Variants in ADCY2 observed in about 807,000 individuals in gnomAD.
ADCY2 encodes adenylate cyclase 2.
ADCY2 carries 31 observed loss-of-function variants against 125.2 expected under a neutral mutation model. The ratio of observed to expected loss-of-function variants is 0.25; its 90% CI spans 0.19 to 0.33. The LOEUF is 0.33. ADCY2 is among the 10% of genes least tolerant of loss of function. The pLI, the probability that ADCY2 is intolerant of heterozygous loss-of-function variation, is 1.00. For synonymous variants in ADCY2, 512 were observed against 548.4 expected (o/e 0.93, Z 0.93); for missense variants, 904 against 1,418.2 (o/e 0.64, Z 5.82).
intron 19 of ADCY2, among the ~76,000 whole-genome samples, chr5:7,786,865 T>C (rs1391535835): frequency 2.0e-5 from 3 of 152,218 alleles, no homozygotes; most frequent in African/African-American, 4.8e-5. Flanking sequence ...CTGGTTCTTC[T>C]GTCTACGTAG....
At chr5:7,668,910 G>A (rs191039038) in intron 4 of ADCY2, among the ~76,000 whole-genome samples, 3 of 152,276 alleles carry the variant, frequency 2.0e-5, no homozygotes, top group African/African-American at 2.4e-5. Flanking sequence ...CATAGCTCCA[G>A]TCTTTACTAA....
At chr5:7,488,852 T>G (rs1743043778) in intron 2 of ADCY2, among the ~76,000 whole-genome samples, 1 of 151,690 alleles carries the variant, frequency 6.6e-6, no homozygotes, top group Non-Finnish European at 1.5e-5. Context: ...CTGGGAGAGG[T>G]TAAGCTGCAG....
At chr5:7,611,254 GT>G (rs1462707477) in intron 3 of ADCY2, 9 of 152,256 alleles carry the variant, frequency 5.9e-5, no homozygotes, top group African/African-American at 1.9e-4. Flanking sequence ...TATATTAAAT[GT>G]TTCTCAAGTA....
At chr5:7,525,655 A>ATG (rs34875401) in intron 3 of ADCY2, among the ~76,000 whole-genome samples, 92 of 150,710 alleles carry the variant, frequency 6.1e-4, no homozygotes, top group African/African-American at 1.4e-3. Flanking sequence ...TACATTATAG[A>ATG]TGTGTGTGTG....
chr5:7,440,674 C>T (rs911067741), intron 2 of ADCY2, among the ~76,000 whole-genome samples: 1 of 152,154 alleles, frequency 6.6e-6, no homozygotes, highest in African/African-American at 2.4e-5. Context: ...TTAAAGATGC[C>T]AGTGATCCTT....
At chr5:7,401,431 T>G (rs190989402) in intron 1 of ADCY2, among the ~76,000 whole-genome samples, 6 of 152,320 alleles carry the variant, frequency 3.9e-5, no homozygotes, top group African/African-American at 1.2e-4. Context: ...AGGTCTAGAA[T>G]TCCCAGCGCT....
At chr5:7,787,574 A>G (rs1048972080) in intron 19 of ADCY2, among the ~76,000 whole-genome samples, 1 of 152,204 alleles carries the variant, frequency 6.6e-6, no homozygotes, top group African/African-American at 2.4e-5. Flanking sequence ...CAAGCTGCTA[A>G]TGTGCCAGCT....
At chr5:7,647,367 T>C (rs902893902) in intron 4 of ADCY2, among the ~76,000 whole-genome samples, 2 of 152,038 alleles carry the variant, frequency 1.3e-5, no homozygotes, top group African/African-American at 4.8e-5. Context: ...GCAATGATAA[T>C]ATCTGCCACA....
intron 24 of ADCY2, among the ~76,000 whole-genome samples, chr5:7,821,932 TC>T (rs1321096975): frequency 1.3e-5 from 2 of 152,030 alleles, no homozygotes; most frequent in Non-Finnish European, 2.9e-5. Flanking sequence ...GGTTTGAGGT[TC>T]CCCCGGTGAA....
intron 3 of ADCY2, among the ~76,000 whole-genome samples, chr5:7,563,304 G>A (rs1381902602): frequency 6.6e-6 from 1 of 152,154 alleles, no homozygotes; most frequent in East Asian, 1.9e-4. Context: ...TTCACAGCAG[G>A]TGAGTAAAAA....
intron 3 of ADCY2, among the ~76,000 whole-genome samples, chr5:7,565,037 T>C (rs964266846): frequency 6.6e-6 from 1 of 152,140 alleles, no homozygotes; most frequent in Non-Finnish European, 1.5e-5. Context: ...ACTTAACAAA[T>C]AGAAATGCTG....
At chr5:7,636,629 A>C (rs1347969381) in intron 4 of ADCY2, among the ~76,000 whole-genome samples, 2 of 152,244 alleles carry the variant, frequency 1.3e-5, no homozygotes, top group Non-Finnish European at 2.9e-5. Context: ...TAAATTTAAA[A>C]TTGATGCCAA....
intron 2 of ADCY2, among the ~76,000 whole-genome samples, chr5:7,417,190 T>C (rs1314336116): frequency 3.3e-5 from 5 of 152,320 alleles, no homozygotes; most frequent in African/African-American, 2.4e-5. Context: ...CTCTTTTTTT[T>C]CTTCATAAAA....
At chr5:7,488,326 G>A (rs1319099745) in intron 2 of ADCY2, among the ~76,000 whole-genome samples, 11 of 152,094 alleles carry the variant, frequency 7.2e-5, no homozygotes, top group South Asian at 2.1e-4. Context: ...GCCATGTCGA[G>A]CTGTGAGTCC....
At chr5:7,808,583 C>T (rs1261565045) in intron 22 of ADCY2, among the ~76,000 whole-genome samples, 2 of 152,166 alleles carry the variant, frequency 1.3e-5, no homozygotes, top group Admixed American at 6.5e-5. Flanking sequence ...TAACTTTCTC[C>T]ATGTTCTAGG....
chr5:7,696,100 A>G (rs1217904467), intron 6 of ADCY2, among the ~76,000 whole-genome samples: 1 of 152,140 alleles, frequency 6.6e-6, no homozygotes. Flanking sequence ...ACTTCCCCCT[A>G]TGTATAATTC....
intron 4 of ADCY2, among the ~76,000 whole-genome samples, chr5:7,631,323 G>C (rs1005828642): frequency 6.6e-6 from 1 of 152,208 alleles, no homozygotes; most frequent in Non-Finnish European, 1.5e-5. Flanking sequence ...TTGTGGGACC[G>C]TTAGTCAGCC....
chr5:7,686,665 T>C (rs1043586535), intron 4 of ADCY2, among the ~76,000 whole-genome samples: 4 of 152,236 alleles, frequency 2.6e-5, no homozygotes, highest in African/African-American at 9.6e-5. Context: ...AGCTAAGTTA[T>C]ACCCAGTATA....
At chr5:7,483,206 A>C (rs991865711) in intron 2 of ADCY2, among the ~76,000 whole-genome samples, 2 of 152,194 alleles carry the variant, frequency 1.3e-5, no homozygotes, top group Non-Finnish European at 2.9e-5. Context: ...TGTTTGAGGT[A>C]ATAGATATCC....
Sources: gnomAD v4.1 joint callset for allele counts (sites outside exome capture counted in the v4.1 genomes callset) on GRCh38, gnomAD v4.1.1 for gene constraint, MANE v1.5 for transcripts, NCBI Gene and HGNC (gene_info 2026-07-23, HGNC 2026-07-21) for gene names.